The following DLL1 variants were observed in gnomAD, a reference collection of about 807,000 sequenced individuals.
DLL1 encodes delta-like protein 1.
Under a neutral mutation model 75.1 loss-of-function variants are expected in DLL1, and 9 were observed. The ratio of observed to expected loss-of-function variants is 0.12; its 90% confidence interval spans 0.07 to 0.21. The LOEUF (loss-of-function observed/expected upper bound fraction) is 0.21, where lower values mean the gene tolerates loss of function less well. Ranked by LOEUF, DLL1 falls within the 10% of genes least tolerant of loss-of-function variation. The probability of loss-of-function intolerance (pLI) is 1.00; values close to 1 mark genes in which losing one functional copy is unlikely to be tolerated. For missense variants in DLL1, 837 were observed against 1,007.6 expected, an observed-to-expected ratio of 0.83 and a Z score of 2.29; for synonymous variants, 477 against 418.3, an observed-to-expected ratio of 1.14 and a Z score of -1.71.
intron 10 of DLL1, 34 bp downstream of exon 10, chr6:170,282,954 C>T (rs200432216): frequency 2.7e-4 from 433 of 1,614,180 alleles, no homozygotes; most frequent in Non-Finnish European, 3.4e-4. Flanking sequence ...GCTCCCATGC[C>T]GAGGAGGAGG....
chr6:170,285,198 T>A, intron 7 of DLL1, 56 bp downstream of exon 7: 2 of 1,613,932 alleles, frequency 1.2e-6, no homozygotes, highest in Non-Finnish European at 1.7e-6. Flanking sequence ...ACACACTCCA[T>A]TCAACACCAG....
intron 4 of DLL1, among the ~76,000 whole-genome samples, chr6:170,286,840 T>C (rs981995366): frequency 6.6e-6 from 1 of 151,266 alleles, no homozygotes; most frequent in Non-Finnish European, 1.5e-5. Context: ...CACGCACCCC[T>C]TCCGCCAATG....
intron 4 of DLL1, among the ~76,000 whole-genome samples, chr6:170,286,963 C>T (rs553038786): frequency 1.3e-5 from 2 of 152,272 alleles, no homozygotes; most frequent in South Asian, 4.1e-4. Flanking sequence ...AAGTTTCTGG[C>T]TACCCTGTGG....
chr6:170,287,943 G>A (rs1783740280), intron 4 of DLL1, among the ~76,000 whole-genome samples: 1 of 152,106 alleles, frequency 6.6e-6, no homozygotes, highest in Admixed American at 6.5e-5. Flanking sequence ...CACCCTGGGG[G>A]TAGCACTGGC....
At position 170,285,130 on chromosome 6, in the gene DLL1, G is replaced by C. The variant is rs372671238; in HGVS notation, c.1038C>G (p.Leu346=). 1.7e-5 allele frequency: 28 copies of C among 1,612,668 alleles called. No homozygotes were observed. The highest frequency in any genetic ancestry group is 5.0e-5 in the Admixed American group (3 of 59,924). Residue 346 remains leucine, a synonymous_variant, in exon 8 of 11, where the codon CTC becomes CTG. Transcript: ENST00000366756. ...GGCAGGTACAGGAGTAGCTGTTCTC[G>C]AGATCCTACACGATGGAGAGGTCAG... The part of the protein sequence containing the change: ...PCKNGGSCTD[L]ENSYSCTCPP...
Position 170,283,080 on chromosome 6 carries a change from G to C in DLL1, c.2074C>G (p.Pro692Ala). ...RGGEASERKR[P>A]DSGCSTSKDT... ...TTTGAAGTTGAACAGCCCGAGTCCG[G>C]CCTTTTTCTTTCAGATGCTTCTCCA... The change falls in exon 10 of 11, where the codon CCG becomes GCG. Residue 692 changes from proline to alanine, a missense_variant. Pro to Ala is a conservative substitution (Grantham distance 27). Transcript: ENST00000366756. 6.2e-7 allele frequency: 1 copy of C among 1,614,128 alleles called. No homozygotes were observed. The highest frequency in any genetic ancestry group is 8.5e-7 in the Non-Finnish European group (1 of 1,180,046).
intron 4 of DLL1, among the ~76,000 whole-genome samples, chr6:170,286,550 TC>T (rs1288827791): frequency 7.4e-6 from 1 of 135,046 alleles, no homozygotes; most frequent in Non-Finnish European, 1.6e-5. Flanking sequence ...CCCCACCCTA[TC>T]CCCTTTTCTT....
At chr6:170,286,407 G>T in intron 4 of DLL1, 109 bp from the exon 5 acceptor site, 1 of 1,369,398 alleles carries the variant, frequency 7.3e-7, no homozygotes, top group Non-Finnish European at 1.0e-6. Context: ...GCAAATCCCA[G>T]CTGAGTTAAT....
Position 170,290,693 on chromosome 6 carries a change from G to C in DLL1, c.-554C>G. ...GTGTGCGCGGCGGCCCCTGCGGATC[G>C]CGGCCCGGTGTCACTCGGCGGCGGC... On this transcript the variant is annotated 5_prime_UTR_variant, in exon 1 of 11. Coordinates refer to ENST00000366756, the MANE Select transcript of DLL1 (RefSeq NM_005618.4). The surrounding 1 kb of genome is among the most constrained non-coding windows in gnomAD (Gnocchi z 4.7). 1 of 311,250 alleles carries C rather than the reference G, an allele frequency of 3.2e-6. No homozygotes were observed. The highest frequency in any genetic ancestry group is 3.9e-5 in the South Asian group (1 of 25,802). 19.3% of individuals were successfully genotyped at this position (311,250 alleles called of 1,614,324 possible).
Position 170,283,787 on chromosome 6 carries a change from CGTG to C in DLL1, c.1489_1491del (p.His497del). On this transcript the variant is annotated inframe_deletion, in exon 9 of 11. Transcript: ENST00000366756. The stretch of plus-strand genomic sequence containing the variant: ...TCGCACACATAGCGGTGGCCCCTCT[CGTG>C]GCAGGTGGCCCCATTGTGGCAGGGT... 6.3e-7 allele frequency: 1 copy of C among 1,595,264 alleles called. No individual in the cohort carries two copies. Among genetic ancestry groups the C allele is most frequent in the Non-Finnish European group, 8.5e-7 (1 of 1,173,186 alleles).
intron 3 of DLL1, 64 bp downstream of exon 3, chr6:170,288,665 G>A: frequency 1.2e-6 from 2 of 1,610,712 alleles, no homozygotes; most frequent in South Asian, 1.1e-5. Context: ...CTGGGGGATG[G>A]GTGGGCAAAG....
rs2114969090 is a variant in DLL1 at position 170,291,045 on chromosome 6, A to G, written c.-906T>C. 1.4e-6 allele frequency: 1 copy of G among 700,292 alleles called. No homozygotes were observed. The highest frequency in any genetic ancestry group is 2.7e-5 in the East Asian group (1 of 37,112). The allele number at this position is 700,292 out of a possible 1,614,324, so 43.4% of individuals were successfully genotyped here. ...CTGTCACAAAGGAGCCACTTTTCCA[A>G]ACCCTCCTCTCAATGGATCGCCAAA... On this transcript the variant is annotated 5_prime_UTR_variant, in exon 1 of 11. Transcript: ENST00000366756.
At chr6:170,287,873 T>G (rs1235415410) in intron 4 of DLL1, among the ~76,000 whole-genome samples, 1 of 152,210 alleles carries the variant, frequency 6.6e-6, no homozygotes, top group Non-Finnish European at 1.5e-5. Flanking sequence ...ATGGTGCCCC[T>G]GACACACAAG....
chr6:170,289,563 G>C lies in DLL1; in HGVS notation c.300C>G (p.Ala100=). Residue 100 remains alanine (A), a synonymous_variant, in exon 2 of 11, where the codon GCC becomes GCG. Transcript: ENST00000366756. ...DSFSLPDGGG[A]DSAFSNPIRF... is the part of the protein sequence containing the mutation. Reference sequence around the variant, plus strand: ...GGATGGGGTTGCTGAACGCGGAGTCGGCGCCCCCGCCGTCGGGCAGACTGA... The same window carrying C: ...GGATGGGGTTGCTGAACGCGGAGTCCGCGCCCCCGCCGTCGGGCAGACTGA... 1.3e-6 allele frequency: 2 copies of C among 1,535,228 alleles called. No homozygotes were observed. The highest frequency in any genetic ancestry group is 8.7e-7 in the Non-Finnish European group (1 of 1,146,454).
chr6:170,285,210 G>A (rs1434669963), intron 7 of DLL1, 44 bp downstream of exon 7: 1 of 1,613,864 alleles, frequency 6.2e-7, no homozygotes. Context: ...CAACACCAGG[G>A]CACCCCAGCT....
At chr6:170,284,574 T>C (rs937678370) in intron 8 of DLL1, among the ~76,000 whole-genome samples, 1 of 152,170 alleles carries the variant, frequency 6.6e-6, no homozygotes, top group Non-Finnish European at 1.5e-5. Context: ...CTGTGCTGGG[T>C]GGCCACACAG....
intron 4 of DLL1, among the ~76,000 whole-genome samples, chr6:170,287,175 G>A (rs1438526949): frequency 6.6e-6 from 1 of 152,154 alleles, no homozygotes; most frequent in East Asian, 1.9e-4. Flanking sequence ...AGCTTAGAAG[G>A]AGCTCAGTAA....
intron 4 of DLL1, among the ~76,000 whole-genome samples, chr6:170,286,836 C>G (rs1783708640): frequency 6.6e-6 from 1 of 152,220 alleles, no homozygotes; most frequent in Non-Finnish European, 1.5e-5. Context: ...CGCACACGCA[C>G]CCCTTCCGCC....
At position 170,283,704 on chromosome 6, in the gene DLL1, CG is replaced by C; in HGVS notation, c.1574del (p.Pro525ArgfsTer12). 2 of 1,555,518 alleles carry C rather than the reference CG, an allele frequency of 1.3e-6. No individual in the cohort carries two copies. The highest frequency in any genetic ancestry group is 8.7e-7 in the Non-Finnish European group (1 of 1,150,294). On this transcript the variant is annotated frameshift_variant, in exon 9 of 11. Transcript: ENST00000366756. LOFTEE classifies it high-confidence loss of function. ...NCQFLLPELP[P>X]GPAVVDLTEK... Reference sequence around the variant, plus strand: ...CAGTGAGGTCCACCACCGCTGGGCCCGGGGGCAGCTCGGGGAGCAGGAACTG... The same window carrying C: ...CAGTGAGGTCCACCACCGCTGGGCCCGGGGCAGCTCGGGGAGCAGGAACTG...
Sources: gnomAD v4.1 joint callset for allele counts (sites outside exome capture counted in the v4.1 genomes callset) on GRCh38, gnomAD v4.1.1 for gene constraint, Gnocchi (gnomAD v3.1) non-coding constraint, MANE v1.5 for transcripts, NCBI Gene and HGNC (gene_info 2026-07-23, HGNC 2026-07-21) for gene names.